The following CNTNAP2 variants were observed in gnomAD, a reference collection of about 807,000 sequenced individuals.
CNTNAP2 encodes the protein contactin-associated protein-like 2.
Under a neutral mutation model 155.2 loss-of-function variants are expected in CNTNAP2, and 98 were observed. The ratio of observed to expected loss-of-function variants is 0.63; its 90% confidence interval spans 0.54 to 0.75. CNTNAP2 has a LOEUF of 0.75. Among genes scored for constraint, CNTNAP2 ranks in the 30% least tolerant of loss-of-function variants. The pLI is 0.00. For synonymous variants in CNTNAP2, 651 were observed against 631.2 expected (o/e 1.03, Z -0.47); for missense variants, 1,727 against 1,688.1 (o/e 1.02, Z -0.40).
intron 10 of CNTNAP2, among the ~76,000 whole-genome samples, chr7:147,401,809 C>G (rs1476678573): frequency 6.6e-6 from 1 of 152,152 alleles, no homozygotes; most frequent in Non-Finnish European, 1.5e-5. Context: ...CCTTGCTTCC[C>G]CTTTGCCTTC....
intron 13 of CNTNAP2, among the ~76,000 whole-genome samples, chr7:147,827,548 A>G (rs1798474840): frequency 6.6e-6 from 1 of 152,238 alleles, no homozygotes; most frequent in African/African-American, 2.4e-5. Context: ...CTCAAGGGAT[A>G]TCCTCGGTGT....
intron 13 of CNTNAP2, among the ~76,000 whole-genome samples, chr7:147,756,273 A>G (rs1797212529): frequency 6.6e-6 from 1 of 152,234 alleles, no homozygotes; most frequent in Non-Finnish European, 1.5e-5. Flanking sequence ...TAGCCATGCT[A>G]ACAAATATGT....
chr7:147,176,466 T>C (rs1301762978), intron 8 of CNTNAP2, among the ~76,000 whole-genome samples: 2 of 151,646 alleles, frequency 1.3e-5, no homozygotes, highest in Non-Finnish European at 2.9e-5. Flanking sequence ...GACTTTTTCT[T>C]CTTAAGTCAA....
intron 14 of CNTNAP2, among the ~76,000 whole-genome samples, chr7:147,943,467 A>G (rs1800761809): frequency 6.6e-6 from 1 of 152,120 alleles, no homozygotes; most frequent in Non-Finnish European, 1.5e-5. Flanking sequence ...TGAAAGCTGT[A>G]TAAAAACCTC....
chr7:147,099,484 C>T (rs1394038141), intron 4 of CNTNAP2, among the ~76,000 whole-genome samples: 4 of 152,056 alleles, frequency 2.6e-5, no homozygotes, highest in African/African-American at 9.7e-5. Flanking sequence ...CTCCCACCCT[C>T]CACAGCTACC....
At chr7:147,813,022 T>G (rs1350692629) in intron 13 of CNTNAP2, among the ~76,000 whole-genome samples, 2 of 152,028 alleles carry the variant, frequency 1.3e-5, no homozygotes, top group African/African-American at 4.8e-5. Context: ...CAAGGAGAAT[T>G]TAATTAAACC....
chr7:147,461,332 A>T (rs539189146), intron 10 of CNTNAP2, among the ~76,000 whole-genome samples: 10 of 152,210 alleles, frequency 6.6e-5, no homozygotes, highest in African/African-American at 2.4e-4. Flanking sequence ...TGAGAAAAAA[A>T]ATGGTTTCAA....
chr7:147,455,874 G>T (rs1797909962), intron 10 of CNTNAP2, among the ~76,000 whole-genome samples: 1 of 152,072 alleles, frequency 6.6e-6, no homozygotes, highest in South Asian at 2.1e-4. Context: ...ACACTAGGAA[G>T]TCTAATAGTA....
At chr7:146,573,043 A>G (rs1208705166) in intron 1 of CNTNAP2, among the ~76,000 whole-genome samples, 1 of 152,180 alleles carries the variant, frequency 6.6e-6, no homozygotes, top group Non-Finnish European at 1.5e-5. Context: ...AGGGGTAAAT[A>G]TCAAGTGTTA....
intron 13 of CNTNAP2, among the ~76,000 whole-genome samples, chr7:147,873,404 C>A (rs1190558027): frequency 2.0e-5 from 3 of 152,136 alleles, no homozygotes; most frequent in Admixed American, 1.3e-4. Flanking sequence ...ACAATCATGG[C>A]AGAACACAAA....
chr7:147,451,306 A>G (rs910228338), intron 10 of CNTNAP2, among the ~76,000 whole-genome samples: 6 of 152,166 alleles, frequency 3.9e-5, no homozygotes, highest in African/African-American at 1.4e-4. Context: ...CAAGTCTATG[A>G]ATTTCTTGAG....
At chr7:147,242,950 A>T (rs17409131) in intron 8 of CNTNAP2, among the ~76,000 whole-genome samples, 11,183 of 125,596 alleles carry the variant, frequency 0.089, 467 homozygotes, top group Middle Eastern at 0.14. Context: ...TGTGGTCATT[A>T]TAAGTATTGA....
chr7:146,705,759 AC>A lies in CNTNAP2; in HGVS notation c.98-68510del, dbSNP rs1309539023. 2.0e-5 allele frequency among the ~76,000 whole-genome samples: 3 copies of A among 151,970 alleles called. No homozygotes were observed. The East Asian group carries it at 5.8e-4, about 29-fold the overall frequency. ...TCAGATCTCATGAGACTTATTTACC[AC>A]CATGAGGAAAGTATGGGGGAAGCTG... On this transcript the variant is annotated intron_variant, in intron 1 of 23. Transcript: ENST00000361727.
chr7:147,593,983 T>C (rs551090226), intron 12 of CNTNAP2, among the ~76,000 whole-genome samples: 17 of 152,310 alleles, frequency 1.1e-4, no homozygotes, highest in Admixed American at 3.3e-4. Flanking sequence ...GGCACTGTTC[T>C]AATATCTGCT....
intron 22 of CNTNAP2, among the ~76,000 whole-genome samples, chr7:148,384,290 C>G (rs554843956): frequency 6.6e-6 from 1 of 152,078 alleles, no homozygotes; most frequent in Non-Finnish European, 1.5e-5. Context: ...TATAGAGATC[C>G]GTCTCCTGGC....
chr7:147,086,374 A>G (rs1204137696), intron 4 of CNTNAP2, among the ~76,000 whole-genome samples: 1 of 152,028 alleles, frequency 6.6e-6, no homozygotes, highest in Non-Finnish European at 1.5e-5. Context: ...TCTTTTTGAT[A>G]CATCCACAGA....
At position 147,486,000 on chromosome 7, in the gene CNTNAP2, C is replaced by T. The variant is rs745861375; in HGVS notation, c.1736C>T (p.Thr579Ile). Residue 579 changes from threonine to isoleucine, a missense_variant, in exon 11 of 24, where the codon ACT becomes ATT. Transcript: ENST00000361727. Reference protein sequence around the residue: ...CSQTWDSFKCTCDETGYSGAT... With the variant: ...CSQTWDSFKCICDETGYSGAT... ...CAAACATGGGACAGCTTCAAATGCA[C>T]TTGTGATGAGACAGGATACAGTGGG... 1 of 1,614,090 alleles carries T rather than the reference C, an allele frequency of 6.2e-7. No homozygotes were observed. The highest frequency in any genetic ancestry group is 1.7e-5 in the Admixed American group (1 of 60,016).
intron 2 of CNTNAP2, among the ~76,000 whole-genome samples, chr7:146,790,414 C>T (rs1460757831): frequency 6.6e-6 from 1 of 152,118 alleles, no homozygotes; most frequent in Non-Finnish European, 1.5e-5. Flanking sequence ...ATAGCACTAA[C>T]TAGGAAGAGA....
intron 8 of CNTNAP2, among the ~76,000 whole-genome samples, chr7:147,253,386 T>G (rs1052386420): frequency 1.3e-5 from 2 of 148,678 alleles, no homozygotes; most frequent in African/African-American, 2.6e-5. Context: ...GTTCTCTGTT[T>G]TTTTTTTTTT....
Sources: allele counts gnomAD v4.1 joint callset (sites outside exome capture counted in the v4.1 genomes callset), GRCh38; gene constraint gnomAD v4.1.1; transcripts MANE v1.5; gene names NCBI Gene and HGNC (gene_info 2026-07-23, HGNC 2026-07-21).